The following ABCC9 variants were observed in gnomAD, a reference collection of about 807,000 sequenced individuals.
The protein encoded by ABCC9 is ATP-binding cassette sub-family C member 9.
A neutral mutation model predicts 188.3 loss-of-function variants in ABCC9; 95 were observed. The observed-to-expected ratio is 0.50, with a 90% confidence interval of 0.43 to 0.60. The LOEUF is 0.60. Among genes scored for constraint, ABCC9 ranks in the 20% least tolerant of loss-of-function variants. ABCC9 has a pLI of 0.00. For synonymous variants in ABCC9, 659 were observed against 652.7 expected, an observed-to-expected ratio of 1.01 and a Z score of -0.15; for missense variants, 1,102 against 1,876.3, an observed-to-expected ratio of 0.59 and a Z score of 7.62.
rs376392187 is a variant in ABCC9, at chr12:21,845,589, C to G, written c.3096+14G>C. ...TTCCTTGATGATTTAAAAACAAAAC[C>G]GAACCAATTGTACCTGATCAGCTTT... On this transcript the variant is annotated intron_variant, in intron 26 of 39. Coordinates refer to ENST00000261200, the MANE Select transcript of ABCC9 (RefSeq NM_020297.4). 2.5e-6 allele frequency: 4 copies of G among 1,607,776 alleles called. No individual in the cohort carries two copies. The highest frequency in any genetic ancestry group is 3.4e-6 in the Non-Finnish European group (4 of 1,175,188).
intron 30 of ABCC9, among the ~76,000 whole-genome samples, chr12:21,832,414 A>G (rs1943823206): frequency 6.6e-6 from 1 of 152,168 alleles, no homozygotes; most frequent in Admixed American, 6.5e-5. Context: ...ATTCCTGACC[A>G]CAAGTACCAA....
chr12:21,806,164 C>T, intron 38 of ABCC9, 104 bp from the exon 39 acceptor site: 2 of 1,010,336 alleles, frequency 2.0e-6, no homozygotes, highest in Non-Finnish European at 3.0e-6. Context: ...TGAGCATTCT[C>T]AATCCCTCAT....
chr12:21,874,618 T>C (rs1379236966), intron 17 of ABCC9, among the ~76,000 whole-genome samples: 5 of 152,120 alleles, frequency 3.3e-5, no homozygotes, highest in Non-Finnish European at 7.4e-5. Context: ...CAAATGTCCA[T>C]TGACAGATGA....
chr12:21,864,586 C>A, intron 18 of ABCC9, 109 bp from the exon 19 acceptor site: 1 of 777,020 alleles, frequency 1.3e-6, no homozygotes, highest in East Asian at 2.5e-5. Flanking sequence ...TTAAAGAGCA[C>A]ATTTCCCAAA....
intron 12 of ABCC9, among the ~76,000 whole-genome samples, chr12:21,896,081 T>C (rs1260760031): frequency 8.8e-5 from 1 of 11,332 alleles, no homozygotes; most frequent in Non-Finnish European, 3.3e-4. Flanking sequence ...CTAATTTTCT[T>C]TTTTTTTTTT....
chr12:21,906,327 C>A, intron 11 of ABCC9, 39 bp from the exon 12 acceptor site: 1 of 1,567,112 alleles, frequency 6.4e-7, no homozygotes, highest in South Asian at 1.1e-5. Flanking sequence ...CAGCTGCATC[C>A]AAGTGAATCA....
At chr12:21,840,686 G>A (rs704179) in intron 29 of ABCC9, among the ~76,000 whole-genome samples, 42,266 of 152,088 alleles carry the variant, frequency 0.28, 6,344 homozygotes, top group Admixed American at 0.39. Flanking sequence ...AATAGTATCA[G>A]AAGAAAAGAA....
In ABCC9 at chr12:21,844,742, G is replaced by C. The variant is rs574943307; in HGVS notation, c.3245+25C>G. 2.5e-6 allele frequency: 4 copies of C among 1,612,502 alleles called. No homozygotes were observed. In the African/African-American group the frequency reaches 4.0e-5, roughly 16 times the overall value. ...CATATTTTTATTATTTTATGTGTGGGAGTGAGAAATAACCACTGTTTTACC... is the reference window on the plus strand; with the variant it reads ...CATATTTTTATTATTTTATGTGTGGCAGTGAGAAATAACCACTGTTTTACC... On this transcript the variant is annotated intron_variant, in intron 27 of 39. Transcript: ENST00000261200.
chr12:21,911,935 G>C lies in ABCC9; in HGVS notation c.1011+937C>G, dbSNP rs35846353. On this transcript the variant is annotated intron_variant, in intron 8 of 39. Transcript: ENST00000261200. Reference sequence around the variant, plus strand: ...TGCAAGGATCTGGGCTAAGCATTGTGAACACAAATATGAATGGCTCACCGT... The same window carrying C: ...TGCAAGGATCTGGGCTAAGCATTGTCAACACAAATATGAATGGCTCACCGT... 4.1e-3 allele frequency among the ~76,000 whole-genome samples: 618 copies of C among 152,022 alleles called. 4 individuals are homozygous for C. The highest frequency in any genetic ancestry group is 0.014 in the African/African-American group (593 of 41,528).
rs757069575 is a variant in ABCC9 at position 21,818,214 on chromosome 12, A to G, written c.3707T>C (p.Ile1236Thr). The G allele has an allele frequency of 1.2e-6, 2 of 1,613,972 alleles. No individual in the cohort carries two copies. Residue 1236 changes from isoleucine to threonine, a missense_variant, in exon 32 of 40, where the codon ATA becomes ACA. Ile to Thr is a moderately conservative substitution (Grantham distance 89). This residue lies in a region of ABCC9 where 143 missense variants were observed against 225.6 expected (regional missense o/e 0.63). Transcript: ENST00000261200. The stretch of plus-strand genomic sequence containing the variant: ...ATTCGAAGACCCACTAATGGATGCT[A>G]TAGATGCAGTGAGGACAATGCAAGC... ...LGACIVLTASIASISGSSNSG... is the reference protein window; with the variant it reads ...LGACIVLTASTASISGSSNSG...
Position 21,812,198 on chromosome 12 carries a change from C to A in ABCC9, c.4103-41G>T, listed in dbSNP as rs776633225. ...AGAAGTTACACACACATAGTAAAAT[C>A]ACAAGTAAAATAATATTTGTTTACA... On this transcript the variant is annotated intron_variant, in intron 35 of 39. Transcript: ENST00000261200. The A allele has an allele frequency of 1.1e-5, 14 of 1,316,036 alleles. No individual in the cohort carries two copies. The South Asian group carries it at 1.6e-4, about 16-fold the overall frequency. 81.5% of individuals were successfully genotyped at this position (1,316,036 alleles called of 1,614,324 possible). A position where few individuals can be genotyped will look rare whatever the true frequency, so the allele number is the denominator to read the frequency against.
chr12:21,940,342 T>G (rs1167229586), intron 2 of ABCC9, among the ~76,000 whole-genome samples: 3 of 152,240 alleles, frequency 2.0e-5, no homozygotes, highest in African/African-American at 7.2e-5. Flanking sequence ...TTTAAAGAAC[T>G]TAGGGCTTTA....
At chr12:21,872,477 G>A (rs1035434540) in intron 18 of ABCC9, 148 bp downstream of exon 18, 22 of 655,882 alleles carry the variant, frequency 3.4e-5, no homozygotes, top group Middle Eastern at 3.6e-4. Flanking sequence ...TGACTTTTAA[G>A]GTTTCCATCA....
chr12:21,849,168 T>C (rs770107722), intron 24 of ABCC9, among the ~76,000 whole-genome samples: 5 of 151,690 alleles, frequency 3.3e-5, no homozygotes, highest in Non-Finnish European at 7.4e-5. Context: ...GCTTCCTGTA[T>C]ATGCCAATAC....
intron 14 of ABCC9, among the ~76,000 whole-genome samples, chr12:21,892,912 A>G (rs907818351): frequency 2.0e-5 from 3 of 152,304 alleles, no homozygotes; most frequent in Non-Finnish European, 2.9e-5. Context: ...GTCAATTGCA[A>G]CATGATACTT....
chr12:21,880,044 G>C (rs1181861749), intron 16 of ABCC9, among the ~76,000 whole-genome samples: 2 of 150,958 alleles, frequency 1.3e-5, no homozygotes, highest in Admixed American at 1.3e-4. Flanking sequence ...TGGGGACAGT[G>C]ATCAATAATA....
intron 29 of ABCC9, among the ~76,000 whole-genome samples, chr12:21,838,904 T>G (rs1223451449): frequency 6.6e-6 from 1 of 152,112 alleles, no homozygotes; most frequent in African/African-American, 2.4e-5. Flanking sequence ...TGCACACCAG[T>G]AATCCCAGCT....
At position 21,896,228 on chromosome 12, in the gene ABCC9, C is replaced by T. The variant is rs931384800; in HGVS notation, c.1619-913G>A. 1.3e-4 allele frequency among the ~76,000 whole-genome samples: 19 copies of T among 151,632 alleles called. No individual in the cohort carries two copies. The East Asian group carries it at 1.6e-3, about 12-fold the overall frequency. ...TAATTTTCTTAACAGTAGAGGACTC[C>T]GGTTTTAAAAATCATCTGCTCTCAG... On this transcript the variant is annotated intron_variant, in intron 12 of 39. Coordinates refer to ENST00000261200, the MANE Select transcript of ABCC9 (RefSeq NM_020297.4).
chr12:21,868,355 T>G (rs1945885911), intron 18 of ABCC9, among the ~76,000 whole-genome samples: 1 of 152,156 alleles, frequency 6.6e-6, no homozygotes, highest in Non-Finnish European at 1.5e-5. Flanking sequence ...AAATAAAATT[T>G]ATGGCCGGGC....
Sources: allele counts gnomAD v4.1 joint callset (sites outside exome capture counted in the v4.1 genomes callset), GRCh38; gene constraint gnomAD v4.1.1; regional missense constraint gnomAD v4.1.1; transcripts MANE v1.5; gene names NCBI Gene and HGNC (gene_info 2026-07-23, HGNC 2026-07-21).